The following RBM20 variants were observed in gnomAD, a reference collection of about 807,000 sequenced individuals.
RBM20 encodes the protein RNA-binding protein 20.
RBM20 carries 51 observed loss-of-function variants against 110.1 expected under a neutral mutation model. The ratio of observed to expected loss-of-function variants is 0.46; its 90% confidence interval spans 0.37 to 0.59. The LOEUF (loss-of-function observed/expected upper bound fraction) is 0.59, where lower values mean the gene tolerates loss of function less well. RBM20 is among the 20% of genes least tolerant of loss of function. The probability of loss-of-function intolerance (pLI) is 0.00; values close to 1 mark genes in which losing one functional copy is unlikely to be tolerated. For synonymous variants in RBM20, 589 were observed against 618.2 expected (o/e 0.95, Z 0.70); for missense variants, 1,512 against 1,574.9 (o/e 0.96, Z 0.68).
chr10:110,821,860 C>G lies in RBM20; in HGVS notation c.3241C>G (p.Pro1081Ala). Reference protein sequence around the residue: ...TPEDGACEGSPLEEKASPPIE... With the variant: ...TPEDGACEGSALEEKASPPIE... ...CGAAGATGGGGCTTGTGAAGGCAGC[C>G]CCCTGGAGGAGAAAGCCAGCCCCCC... The change falls in exon 11 of 14, where the codon CCC (proline) becomes GCC (alanine). Residue 1081 changes from proline to alanine, a missense_variant. Physicochemically the swap from Pro to Ala is conservative, Grantham distance 27. Coordinates refer to ENST00000369519, the MANE Select transcript of RBM20 (RefSeq NM_001134363.3). The G allele has an allele frequency of 2.6e-6, 4 of 1,551,690 alleles. No homozygotes were observed. The highest frequency in any genetic ancestry group is 3.5e-6 in the Non-Finnish European group (4 of 1,147,002).
At chr10:110,814,597 G>A (rs938265521) in intron 9 of RBM20, among the ~76,000 whole-genome samples, 3 of 152,070 alleles carry the variant, frequency 2.0e-5, no homozygotes, top group South Asian at 2.1e-4. Context: ...CTAGGTTCAA[G>A]CAATTCTCCT....
intron 13 of RBM20, 107 bp downstream of exon 13, chr10:110,831,289 A>G (rs1845048984): frequency 8.2e-7 from 1 of 1,225,256 alleles, no homozygotes; most frequent in African/African-American, 1.5e-5. Context: ...TCTAGCTCCT[A>G]CCTGCAAGGC....
chr10:110,797,378 C>T, intron 5 of RBM20, 130 bp from the exon 6 acceptor site: 1 of 875,254 alleles, frequency 1.1e-6, no homozygotes, highest in East Asian at 2.8e-5. Context: ...TGGATTTTTT[C>T]TGCATTAATT....
At position 110,821,772 on chromosome 10, in the gene RBM20, A is replaced by G; in HGVS notation, c.3153A>G (p.Pro1051=). 2 of 1,551,774 alleles carry G rather than the reference A, an allele frequency of 1.3e-6. No individual in the cohort carries two copies. The highest frequency in any genetic ancestry group is 1.7e-6 in the Non-Finnish European group (2 of 1,147,002). ...TCCAGCAAATGTCTTCCCCTAAGCC[A>G]GCAGAGGAGAGGGCCCGGCAGCCAA... ...PTVQQMSSPK[P]AEERARQPSP... is the part of the protein sequence containing the mutation. The change falls in exon 11 of 14, where the codon CCA becomes CCG. Residue 1051 remains proline, a synonymous_variant. Transcript: ENST00000369519.
At chr10:110,683,266 T>C (rs1256713621) in intron 1 of RBM20, among the ~76,000 whole-genome samples, 2 of 152,370 alleles carry the variant, frequency 1.3e-5, no homozygotes, top group Non-Finnish European at 2.9e-5. Flanking sequence ...TTTCATGAAC[T>C]TGTTAATGGC....
intron 1 of RBM20, among the ~76,000 whole-genome samples, chr10:110,684,103 T>G (rs1862462677): frequency 6.6e-6 from 1 of 152,164 alleles, no homozygotes; most frequent in African/African-American, 2.4e-5. Flanking sequence ...CAGACAAGAA[T>G]TGTCATTTGG....
chr10:110,663,969 C>T (rs542101095), intron 1 of RBM20, among the ~76,000 whole-genome samples: 2 of 152,126 alleles, frequency 1.3e-5, no homozygotes, highest in African/African-American at 2.4e-5. Context: ...TTTCAGTATA[C>T]AAAAACAGTG....
intron 5 of RBM20, among the ~76,000 whole-genome samples, chr10:110,792,802 G>T (rs530068745): frequency 6.6e-6 from 1 of 152,278 alleles, no homozygotes; most frequent in African/African-American, 2.4e-5. Context: ...CTTATCTTTA[G>T]TCCTATAAAG....
intron 1 of RBM20, among the ~76,000 whole-genome samples, chr10:110,735,065 G>C (rs1843657300): frequency 2.6e-5 from 4 of 152,110 alleles, no homozygotes; most frequent in Non-Finnish European, 4.4e-5. Context: ...CCACTGTCGA[G>C]GTATCGCAGG....
intron 12 of RBM20, among the ~76,000 whole-genome samples, chr10:110,829,486 T>G (rs995781287): frequency 6.6e-6 from 1 of 152,186 alleles, no homozygotes; most frequent in Non-Finnish European, 1.5e-5. Context: ...AAAGCCAGAC[T>G]GAGGAGGACG....
At chr10:110,688,039 G>GTGTA (rs1862532190) in intron 1 of RBM20, among the ~76,000 whole-genome samples, 2 of 145,370 alleles carry the variant, frequency 1.4e-5, no homozygotes, top group Non-Finnish European at 3.0e-5. Flanking sequence ...GTGTGTGTAT[G>GTGTA]TGTGTGTATG....
At chr10:110,758,014 C>CTTTTTTTTTTTTTTTTTTT (rs760246427) in intron 1 of RBM20, among the ~76,000 whole-genome samples, 1 of 79,910 alleles carries the variant, frequency 1.3e-5, no homozygotes, top group Non-Finnish European at 2.2e-5. Context: ...GATCCTTGTT[C>CTTTTTTTTTTTTTTTTTTT]TTTTTTTTTT....
At chr10:110,681,378 T>C (rs1161086807) in intron 1 of RBM20, among the ~76,000 whole-genome samples, 2 of 152,272 alleles carry the variant, frequency 1.3e-5, no homozygotes, top group African/African-American at 2.4e-5. Context: ...AATTTCATCC[T>C]CTTGTTTAGT....
chr10:110,682,200 T>C (rs1862433397), intron 1 of RBM20, among the ~76,000 whole-genome samples: 1 of 152,230 alleles, frequency 6.6e-6, no homozygotes, highest in African/African-American at 2.4e-5. Context: ...CCTTCACTAA[T>C]GTGTTTTTCT....
At chr10:110,698,566 A>G (rs1862705938) in intron 1 of RBM20, among the ~76,000 whole-genome samples, 1 of 152,116 alleles carries the variant, frequency 6.6e-6, no homozygotes, top group Non-Finnish European at 1.5e-5. Flanking sequence ...GTGGCATTGG[A>G]GCTTCTCCTC....
chr10:110,702,684 C>T (rs1051203475), intron 1 of RBM20, among the ~76,000 whole-genome samples: 4 of 152,250 alleles, frequency 2.6e-5, no homozygotes, highest in Admixed American at 6.5e-5. Context: ...TGTCCACCCA[C>T]TAGCCCTCAT....
chr10:110,682,631 T>A (rs1010325070), intron 1 of RBM20, among the ~76,000 whole-genome samples: 2 of 152,318 alleles, frequency 1.3e-5, no homozygotes, highest in Middle Eastern at 3.4e-3. Context: ...GATGATTAGA[T>A]TGAGGTTATG....
At chr10:110,746,174 C>T in intron 1 of RBM20, among the ~76,000 whole-genome samples, 1 of 152,138 alleles carries the variant, frequency 6.6e-6, no homozygotes, top group Non-Finnish European at 1.5e-5. Context: ...CTGGTGCGGG[C>T]TTGTTCACAA....
intron 1 of RBM20, among the ~76,000 whole-genome samples, chr10:110,756,285 A>G (rs779233663): frequency 2.0e-5 from 3 of 152,236 alleles, no homozygotes; most frequent in African/African-American, 4.8e-5. Flanking sequence ...AAAAGCCTGT[A>G]AATCATTTAC....
Sources: allele counts gnomAD v4.1 joint callset (sites outside exome capture counted in the v4.1 genomes callset), GRCh38; gene constraint gnomAD v4.1.1; transcripts MANE v1.5; gene names NCBI Gene and HGNC (gene_info 2026-07-23, HGNC 2026-07-21).